HIBCH: variants seen among roughly 807,000 people sequenced by gnomAD.
The protein encoded by HIBCH is 3-hydroxyisobutyryl-CoA hydrolase, mitochondrial.
Under a neutral mutation model 58.2 loss-of-function variants are expected in HIBCH, and 50 were observed. The observed-to-expected ratio is 0.86, with a 90% confidence interval of 0.68 to 1.09. HIBCH has a LOEUF of 1.09. HIBCH is among the 50% of genes least tolerant of loss of function. HIBCH has a pLI of 0.00. For missense variants in HIBCH, 450 were observed against 449.7 expected (o/e 1.00, Z -0.01); for synonymous variants, 151 against 146.9 (o/e 1.03, Z -0.20).
At chr2:190,228,464 T>C (rs1234366955) in intron 11 of HIBCH, among the ~76,000 whole-genome samples, 6 of 150,828 alleles carry the variant, frequency 4.0e-5, no homozygotes, top group African/African-American at 1.5e-4. Flanking sequence ...GATGAGTTAA[T>C]GGGTGCAGCA....
intron 1 of HIBCH, among the ~76,000 whole-genome samples, chr2:190,313,282 T>C (rs970687080): frequency 2.6e-5 from 4 of 152,000 alleles, no homozygotes; most frequent in Non-Finnish European, 2.9e-5. Context: ...AAGCAACTTC[T>C]TTGTTCTTCC....
intron 1 of HIBCH, among the ~76,000 whole-genome samples, chr2:190,190,575 G>T (rs139647032): frequency 8.6e-5 from 13 of 150,818 alleles, no homozygotes; most frequent in African/African-American, 3.1e-4. Context: ...ATCTAGAAAT[G>T]AAATGGCTGG....
chr2:190,194,477 TACACACACAC>T (rs3083429), intron 1 of HIBCH, among the ~76,000 whole-genome samples: 204 of 141,472 alleles, frequency 1.4e-3, no homozygotes, highest in Middle Eastern at 3.6e-3. Flanking sequence ...ATCCTGTGTA[TACACACACAC>T]ACACACACAC....
chr2:190,316,653 GT>G (rs577429126), intron 1 of HIBCH, among the ~76,000 whole-genome samples: 109 of 152,244 alleles, frequency 7.2e-4, no homozygotes, highest in African/African-American at 2.6e-3. Context: ...ACTCTCTCCA[GT>G]TCACCAGTCC....
chr2:190,290,094 G>T (rs1324683089), intron 5 of HIBCH, among the ~76,000 whole-genome samples: 1 of 152,076 alleles, frequency 6.6e-6, no homozygotes, highest in Non-Finnish European at 1.5e-5. Context: ...GGCCAGGCTG[G>T]TCTCAAACTC....
intron 2 of HIBCH, among the ~76,000 whole-genome samples, chr2:190,302,863 G>C (rs1011590569): frequency 4.6e-5 from 7 of 152,156 alleles, no homozygotes; most frequent in African/African-American, 1.4e-4. Flanking sequence ...ACTAACTTTG[G>C]AAATCAGTGA....
chr2:190,270,940 A>G (rs1412500049), intron 6 of HIBCH, among the ~76,000 whole-genome samples: 1 of 152,192 alleles, frequency 6.6e-6, no homozygotes, highest in Non-Finnish European at 1.5e-5. Context: ...TTGGGTATGT[A>G]TAATTCATGT....
At chr2:190,237,706 GGTTT>G (rs1449473791) in intron 11 of HIBCH, among the ~76,000 whole-genome samples, 3 of 150,508 alleles carry the variant, frequency 2.0e-5, no homozygotes, top group African/African-American at 7.3e-5. Context: ...AGAACGTGCA[GGTTT>G]GTTACATAGG....
intron 7 of HIBCH, among the ~76,000 whole-genome samples, chr2:190,255,666 T>A (rs1182982107): frequency 6.6e-6 from 1 of 152,172 alleles, no homozygotes; most frequent in East Asian, 1.9e-4. Flanking sequence ...CTTGAGTGAA[T>A]TCCCAGGCCC....
intron 2 of HIBCH, among the ~76,000 whole-genome samples, chr2:190,308,480 A>G (rs1688472988): frequency 6.6e-6 from 1 of 152,186 alleles, no homozygotes; most frequent in South Asian, 2.1e-4. Context: ...CCATTCATAA[A>G]TTAATGGATT....
At position 190,195,530 on chromosome 2, in the gene HIBCH, C is replaced by T. The variant is rs190848729; in HGVS notation, c.*18-5533G>A. Among the ~76,000 whole-genome samples the T allele has an allele frequency of 4.9e-4, 75 of 152,282 alleles. No homozygotes were observed. The East Asian group carries it at 7.5e-3, about 15-fold the overall frequency. ...ACATGATGTTGAACACTTTTCCATA[C>T]GTTTATGTGCCACCTATATGTAAGA... On this transcript the variant is annotated intron_variant, in intron 1 of 1. Coordinates refer to the HIBCH transcript ENST00000399855.
chr2:190,294,512 A>G (rs770908335), intron 4 of HIBCH, 34 bp downstream of exon 4: 10 of 1,380,992 alleles, frequency 7.2e-6, no homozygotes, highest in South Asian at 2.3e-5. Flanking sequence ...TAGTAGGGGG[A>G]AAGAGCACTC....
Position 190,306,860 on chromosome 2 carries a change from A to C in HIBCH, c.78+3894T>G, listed in dbSNP as rs1688421622. ...TGAGATTAACGCCCTTATAAAAGAA[A>C]CCCTGGAGAGCTTCTTCACCCCTTC... On this transcript the variant is annotated intron_variant, in intron 2 of 13. Coordinates refer to ENST00000359678, the MANE Select transcript of HIBCH (RefSeq NM_014362.4). The surrounding 1 kb of genome is among the most constrained non-coding windows in gnomAD (Gnocchi z 4.6). Among the ~76,000 whole-genome samples the C allele has an allele frequency of 6.6e-6, 1 of 152,034 alleles. No homozygotes were observed. The highest frequency in any genetic ancestry group is 6.6e-5 in the Admixed American group (1 of 15,252).
At chr2:190,314,380 T>TAC (rs1403143958) in intron 1 of HIBCH, among the ~76,000 whole-genome samples, 15 of 87,262 alleles carry the variant, frequency 1.7e-4, no homozygotes, top group Non-Finnish European at 2.2e-4. Flanking sequence ...CGTATATATG[T>TAC]GTATATATAT....
chr2:190,287,665 G>A, intron 5 of HIBCH, 27 bp from the exon 6 acceptor site: 1 of 1,546,524 alleles, frequency 6.5e-7, no homozygotes, highest in Non-Finnish European at 8.9e-7. Context: ...TGTAATTTTA[G>A]TTACAGTGTT....
At position 190,276,084 on chromosome 2, in the gene HIBCH, T is replaced by C. The variant is rs1575742823; in HGVS notation, c.438+11502A>G. Among the ~76,000 whole-genome samples, 3 of 152,288 alleles carry C rather than the reference T, an allele frequency of 2.0e-5. No homozygotes were observed. The South Asian group carries it at 6.2e-4, about 32-fold the overall frequency. ...GAAGATAAAGCACAACCACAATGGCTACCAAGAGAGAGAAGTGGTCCAGTC... is the reference window on the plus strand; with the variant it reads ...GAAGATAAAGCACAACCACAATGGCCACCAAGAGAGAGAAGTGGTCCAGTC... On this transcript the variant is annotated intron_variant, in intron 6 of 13. Coordinates refer to ENST00000359678, the MANE Select transcript of HIBCH (RefSeq NM_014362.4).
At chr2:190,298,452 G>A (rs1342890985) in intron 2 of HIBCH, among the ~76,000 whole-genome samples, 5 of 152,152 alleles carry the variant, frequency 3.3e-5, no homozygotes, top group South Asian at 2.1e-4. Flanking sequence ...TGCTGACTGC[G>A]TGAGATGGTA....
intron 1 of HIBCH, among the ~76,000 whole-genome samples, chr2:190,319,094 G>C (rs937830114): frequency 1.3e-5 from 2 of 152,178 alleles, no homozygotes; most frequent in African/African-American, 4.8e-5. Context: ...CCAGGCAGTG[G>C]GCTGTTTAAG....
intron 7 of HIBCH, among the ~76,000 whole-genome samples, chr2:190,255,811 G>A (rs1316403353): frequency 1.3e-5 from 2 of 151,752 alleles, no homozygotes; most frequent in Non-Finnish European, 2.9e-5. Flanking sequence ...TCTCTTTTAA[G>A]TACTTAGCTT....
Sources: allele counts gnomAD v4.1 joint callset (sites outside exome capture counted in the v4.1 genomes callset), GRCh38; gene constraint gnomAD v4.1.1; non-coding constraint Gnocchi (gnomAD v3.1); transcripts MANE v1.5; gene names NCBI Gene and HGNC (gene_info 2026-07-23, HGNC 2026-07-21).